PARPBP: variants seen among roughly 807,000 people sequenced by gnomAD.
The protein encoded by PARPBP is PCNA-interacting partner.
A neutral mutation model predicts 50.0 loss-of-function variants in PARPBP; 52 were observed. That is an observed-to-expected ratio of 1.04 (90% CI 0.83 to 1.31). PARPBP has a LOEUF of 1.31. Ranked by LOEUF, PARPBP falls within the 50% of genes most tolerant of loss-of-function variation. The pLI is 0.00. For synonymous variants in PARPBP, 244 were observed against 232.1 expected (o/e 1.05, Z -0.47); for missense variants, 697 against 672.0 (o/e 1.04, Z -0.41).
At chr12:102,132,482 C>T (rs1883019345) in intron 2 of PARPBP, among the ~76,000 whole-genome samples, 2 of 152,000 alleles carry the variant, frequency 1.3e-5, no homozygotes, top group African/African-American at 4.8e-5. Flanking sequence ...GGATATATAT[C>T]TTGGTTCTCA....
At chr12:102,181,931 G>C (rs1391535998) in intron 8 of PARPBP, among the ~76,000 whole-genome samples, 1 of 152,092 alleles carries the variant, frequency 6.6e-6, no homozygotes, top group Non-Finnish European at 1.5e-5. Flanking sequence ...AGGGCAAAAA[G>C]TGCTCCCACA....
chr12:102,137,237 A>G (rs996456694), intron 2 of PARPBP, among the ~76,000 whole-genome samples: 3 of 152,102 alleles, frequency 2.0e-5, no homozygotes, highest in South Asian at 4.2e-4. Flanking sequence ...ACAGGCGTGA[A>G]CCACCACGTA....
intron 3 of PARPBP, chr12:102,151,501 T>G: frequency 8.4e-6 from 9 of 1,069,244 alleles, no homozygotes; most frequent in Non-Finnish European, 1.2e-5. Flanking sequence ...TCAACATCAG[T>G]GAATGGGGTC....
At chr12:102,136,515 A>G (rs576937161) in intron 2 of PARPBP, among the ~76,000 whole-genome samples, 22 of 152,368 alleles carry the variant, frequency 1.4e-4, no homozygotes, top group African/African-American at 5.3e-4. Context: ...GAAATATTCA[A>G]TCCAAGTCAG....
chr12:102,187,293 A>G (rs1389234667), intron 9 of PARPBP, among the ~76,000 whole-genome samples: 2 of 152,166 alleles, frequency 1.3e-5, no homozygotes, highest in Non-Finnish European at 2.9e-5. Flanking sequence ...TGAATTAGCA[A>G]AATTCTGAGG....
In PARPBP at chr12:102,148,588, G is replaced by T. The variant is rs1486632977; in HGVS notation, c.387+125G>T. On this transcript the variant is annotated intron_variant, in intron 3 of 10. Coordinates refer to ENST00000327680, the MANE Select transcript of PARPBP (RefSeq NM_017915.5). ...TTGCTTTGTGAATCATGTTAAAAAT[G>T]GGAAAATTTAGCTACCTGAAAGCTA... The T allele has an allele frequency of 2.2e-5, 11 of 490,722 alleles. No homozygotes were observed. In the East Asian group the frequency reaches 3.6e-4, roughly 16 times the overall value. The allele number at this position is 490,722 out of a possible 1,614,324, so 30.4% of individuals were successfully genotyped here. A position where few individuals can be genotyped will look rare whatever the true frequency, so the allele number is the denominator to read the frequency against.
At chr12:102,158,531 A>C (rs1420182809) in intron 4 of PARPBP, among the ~76,000 whole-genome samples, 1 of 152,188 alleles carries the variant, frequency 6.6e-6, no homozygotes, top group Admixed American at 6.5e-5. Context: ...AAATATCCCA[A>C]GCCCACCTTG....
At chr12:102,123,160 A>C (rs189256682) in intron 1 of PARPBP, among the ~76,000 whole-genome samples, 18 of 152,214 alleles carry the variant, frequency 1.2e-4, no homozygotes, top group African/African-American at 4.1e-4. Flanking sequence ...AAAGGCATCC[A>C]CTGTCTGACA....
intron 5 of PARPBP, 101 bp from the exon 6 acceptor site, chr12:102,165,628 A>G: frequency 3.3e-6 from 3 of 913,442 alleles, no homozygotes; most frequent in East Asian, 5.2e-5. Context: ...CTTCACTTTT[A>G]ACTGTATACC....
intron 6 of PARPBP, among the ~76,000 whole-genome samples, chr12:102,172,479 A>G (rs1888855418): frequency 6.6e-6 from 1 of 152,220 alleles, no homozygotes; most frequent in African/African-American, 2.4e-5. Flanking sequence ...AAGAATTTGA[A>G]TTAAACCACT....
At chr12:102,152,830 T>G (rs774092587) in intron 3 of PARPBP, among the ~76,000 whole-genome samples, 2 of 147,024 alleles carry the variant, frequency 1.4e-5, no homozygotes, top group African/African-American at 2.7e-5. Flanking sequence ...CAAAATTAGT[T>G]TCTTGAAAAT....
At chr12:102,157,429 A>T (rs1336918530) in intron 4 of PARPBP, among the ~76,000 whole-genome samples, 1 of 150,880 alleles carries the variant, frequency 6.6e-6, no homozygotes. Flanking sequence ...AGACTCTTTT[A>T]CTCCAGAAGA....
chr12:102,153,090 T>C (rs961038512), intron 3 of PARPBP, among the ~76,000 whole-genome samples: 2 of 152,210 alleles, frequency 1.3e-5, no homozygotes, highest in Admixed American at 1.3e-4. Flanking sequence ...TAGGTTGGCC[T>C]TTTGAGATAT....
rs375410992 is a variant in PARPBP, at chr12:102,178,674, A to G, written c.1088A>G (p.Glu363Gly). The G allele has an allele frequency of 6.2e-7, 1 of 1,613,422 alleles. No homozygotes were observed. The highest frequency in any genetic ancestry group is 8.5e-7 in the Non-Finnish European group (1 of 1,179,428). The stretch of plus-strand genomic sequence containing the variant: ...GCCTTATTAGTTCTTTTGGACGAAG[A>G]AGCAGCTAATGCTCCTACCAAAAAC... The part of the protein sequence containing the change: ...VKALLVLLDE[E>G]AANAPTKNKA... The change falls in exon 8 of 11, where the codon GAA becomes GGA. Residue 363 changes from glutamate to glycine, a missense_variant. Coordinates refer to ENST00000327680, the MANE Select transcript of PARPBP (RefSeq NM_017915.5).
At chr12:102,179,491 G>A (rs1889619323) in intron 8 of PARPBP, among the ~76,000 whole-genome samples, 1 of 152,198 alleles carries the variant, frequency 6.6e-6, no homozygotes, top group African/African-American at 2.4e-5. Flanking sequence ...TGCCAGCATG[G>A]TCAGGGCTGG....
At chr12:102,173,617 A>G (rs1173916494) in intron 6 of PARPBP, among the ~76,000 whole-genome samples, 1 of 152,086 alleles carries the variant, frequency 6.6e-6, no homozygotes, top group Non-Finnish European at 1.5e-5. Context: ...AAAACTTCAA[A>G]AATATAAAAT....
At chr12:102,139,668 G>C (rs1347510229) in intron 2 of PARPBP, among the ~76,000 whole-genome samples, 1 of 152,176 alleles carries the variant, frequency 6.6e-6, no homozygotes, top group Non-Finnish European at 1.5e-5. Flanking sequence ...TCAGTACCTA[G>C]TTTATTGAGA....
chr12:102,166,236 G>A (rs1888127307), intron 6 of PARPBP, among the ~76,000 whole-genome samples: 1 of 152,130 alleles, frequency 6.6e-6, no homozygotes, highest in Non-Finnish European at 1.5e-5. Context: ...TATCAAGAAT[G>A]AGTAAGAAAA....
intron 2 of PARPBP, among the ~76,000 whole-genome samples, chr12:102,137,204 C>T (rs186128339): frequency 3.6e-3 from 553 of 152,246 alleles, no homozygotes; most frequent in Non-Finnish European, 6.3e-3. Context: ...CCACCCGCCT[C>T]GGCCTCCCAA....
Sources: allele counts gnomAD v4.1 joint callset (sites outside exome capture counted in the v4.1 genomes callset), GRCh38; gene constraint gnomAD v4.1.1; transcripts MANE v1.5; gene names NCBI Gene and HGNC (gene_info 2026-07-23, HGNC 2026-07-21).